SUGCT: variants seen among roughly 807,000 people sequenced by gnomAD.
The protein encoded by SUGCT is succinyl-CoA:glutarate-CoA transferase, also known as succinyl-CoA:glutarate CoA-transferase.
In SUGCT, 41 loss-of-function variants were observed where a neutral mutation model predicts 55.0. The observed-to-expected ratio is 0.74, with a 90% CI of 0.58 to 0.97. The LOEUF (loss-of-function observed/expected upper bound fraction) is 0.97, where lower values mean the gene tolerates loss of function less well. SUGCT is among the 50% of genes least tolerant of loss of function. The pLI, the probability that SUGCT is intolerant of heterozygous loss-of-function variation, is 0.00. For missense variants in SUGCT, 568 were observed against 547.8 expected (o/e 1.04, Z -0.37); for synonymous variants, 187 against 200.4 (o/e 0.93, Z 0.56).
chr7:40,931,183 G>A, the SUGCT span, among the ~76,000 whole-genome samples: 1 of 152,282 alleles, frequency 6.6e-6, no homozygotes, highest in East Asian at 1.9e-4. Context: ...AGATAATCAT[G>A]TGGTTATTAT....
intron 12 of SUGCT, among the ~76,000 whole-genome samples, chr7:40,657,778 C>A (rs1801102811): frequency 1.3e-5 from 2 of 152,352 alleles, no homozygotes; most frequent in South Asian, 4.1e-4. Flanking sequence ...TCGTGATTCA[C>A]CCACCTTGGC....
chr7:40,530,860 G>A (rs148999117), intron 12 of SUGCT, among the ~76,000 whole-genome samples: 1 of 151,994 alleles, frequency 6.6e-6, no homozygotes, highest in East Asian at 1.9e-4. Context: ...TTGTTTTTTC[G>A]ATCATGGGTT....
chr7:40,966,723 A>C, the SUGCT span: 1 of 152,218 alleles, frequency 6.6e-6, no homozygotes, highest in African/African-American at 2.4e-5. Context: ...AGAGTTGTCT[A>C]AAGGTTAAGC....
At chr7:41,008,349 CGGT>C in the SUGCT span, among the ~76,000 whole-genome samples, 1 of 152,192 alleles carries the variant, frequency 6.6e-6, no homozygotes, top group Non-Finnish European at 1.5e-5. Flanking sequence ...GGTCTCCACT[CGGT>C]GGAGCCTGGA....
At chr7:40,583,688 T>G (rs1034767019) in intron 12 of SUGCT, among the ~76,000 whole-genome samples, 1 of 152,214 alleles carries the variant, frequency 6.6e-6, no homozygotes, top group Non-Finnish European at 1.5e-5. Context: ...GTTATAATAA[T>G]CCTGATGGCT....
chr7:40,428,185 G>T (rs1050406330), intron 9 of SUGCT, among the ~76,000 whole-genome samples: 1 of 152,034 alleles, frequency 6.6e-6, no homozygotes, highest in Non-Finnish European at 1.5e-5. Context: ...ATGTAATTAT[G>T]GCTACCTCTG....
intron 9 of SUGCT, among the ~76,000 whole-genome samples, chr7:40,331,122 A>T (rs950842245): frequency 1.3e-5 from 2 of 152,200 alleles, no homozygotes; most frequent in Non-Finnish European, 2.9e-5. Context: ...TCATGAATTT[A>T]TATTGGGCAT....
At chr7:40,767,545 T>G (rs1470382101) in intron 13 of SUGCT, among the ~76,000 whole-genome samples, 2 of 152,096 alleles carry the variant, frequency 1.3e-5, no homozygotes, top group Non-Finnish European at 2.9e-5. Context: ...GCAGGCCAAC[T>G]GGTGTGGGTC....
chr7:40,308,770 G>A (rs1391984987), intron 8 of SUGCT, among the ~76,000 whole-genome samples: 2 of 152,160 alleles, frequency 1.3e-5, no homozygotes, highest in Non-Finnish European at 1.5e-5. Context: ...TAGCATTTGG[G>A]AGGCCCAGGC....
chr7:40,347,664 C>A (rs1375054024), intron 9 of SUGCT, among the ~76,000 whole-genome samples: 2 of 152,180 alleles, frequency 1.3e-5, no homozygotes, highest in Non-Finnish European at 2.9e-5. Context: ...TTATTTCCAA[C>A]CTCTAGTTTA....
At chr7:40,730,961 C>T (rs796552206) in intron 12 of SUGCT, among the ~76,000 whole-genome samples, 6 of 152,250 alleles carry the variant, frequency 3.9e-5, no homozygotes, top group African/African-American at 1.4e-4. Flanking sequence ...GTGAATAATG[C>T]TTCAATGAAT....
At chr7:40,447,028 G>A (rs1306163948) in intron 9 of SUGCT, among the ~76,000 whole-genome samples, 1 of 152,136 alleles carries the variant, frequency 6.6e-6, no homozygotes, top group Non-Finnish European at 1.5e-5. Flanking sequence ...TGTATTCAGA[G>A]TTGTGCAACC....
At chr7:40,778,586 C>T (rs1789578097) in intron 13 of SUGCT, among the ~76,000 whole-genome samples, 1 of 152,142 alleles carries the variant, frequency 6.6e-6, no homozygotes. Context: ...GGTGAGGCTA[C>T]AAAGAAAGGA....
chr7:40,848,069 G>C (rs1354860597), intron 13 of SUGCT, among the ~76,000 whole-genome samples: 1 of 152,182 alleles, frequency 6.6e-6, no homozygotes, highest in African/African-American at 2.4e-5. Context: ...TGCAATGTAA[G>C]TCTAGCTCCT....
At chr7:40,163,631 T>G (rs913985966) in intron 1 of SUGCT, among the ~76,000 whole-genome samples, 84 of 151,532 alleles carry the variant, frequency 5.5e-4, no homozygotes, top group African/African-American at 2.0e-3. Flanking sequence ...AGCAGGTTAT[T>G]ATATAATATC....
At chr7:40,850,997 G>T (rs943886392) in intron 13 of SUGCT, among the ~76,000 whole-genome samples, 1 of 152,150 alleles carries the variant, frequency 6.6e-6, no homozygotes, top group African/African-American at 2.4e-5. Context: ...AAGAAGCAAG[G>T]TTTTTAATTC....
chr7:40,997,606 T>C, the SUGCT span, among the ~76,000 whole-genome samples: 1 of 152,336 alleles, frequency 6.6e-6, no homozygotes, highest in East Asian at 1.9e-4. Context: ...TCCCAAGATG[T>C]GGATAAGGTT....
In SUGCT at chr7:40,541,411, C is replaced by T. The variant is rs112633305; in HGVS notation, c.1089+45025C>T. On this transcript the variant is annotated intron_variant, in intron 12 of 13. Transcript: ENST00000335693. The stretch of plus-strand genomic sequence containing the variant: ...ATTCCTGTGACCCTGCAATTCTTCT[C>T]TTTGACATATAGATTAAGAAAATCC... Among the ~76,000 whole-genome samples, 1,031 of 152,236 alleles carry T rather than the reference C, an allele frequency of 6.8e-3. 16 individuals are homozygous for T. The highest frequency in any genetic ancestry group is 0.023 in the African/African-American group (958 of 41,528).
chr7:40,897,230 G>A, the SUGCT span, among the ~76,000 whole-genome samples: 1 of 152,156 alleles, frequency 6.6e-6, no homozygotes. Flanking sequence ...AGATTTAAAT[G>A]TAAGTGCTGG....
Sources: allele counts gnomAD v4.1 joint callset (sites outside exome capture counted in the v4.1 genomes callset), GRCh38; gene constraint gnomAD v4.1.1; transcripts MANE v1.5; gene names NCBI Gene and HGNC (gene_info 2026-07-23, HGNC 2026-07-21).